KCNN3: variants seen among roughly 807,000 people sequenced by gnomAD.
The protein encoded by KCNN3 is small conductance calcium-activated potassium channel protein 3.
Under a neutral mutation model 62.9 loss-of-function variants are expected in KCNN3, and 16 were observed. That is an observed-to-expected ratio of 0.25 (90% CI 0.17 to 0.39). The LOEUF (loss-of-function observed/expected upper bound fraction) is 0.39, where lower values mean the gene tolerates loss of function less well. Ranked by LOEUF, KCNN3 falls within the 10% of genes least tolerant of loss-of-function variation. The pLI, the probability that KCNN3 is intolerant of heterozygous loss-of-function variation, is 1.00. For synonymous variants in KCNN3, 370 were observed against 389.2 expected (o/e 0.95, Z 0.58); for missense variants, 599 against 949.4 (o/e 0.63, Z 4.85).
chr1:154,836,361 T>C (rs895108087), intron 1 of KCNN3, among the ~76,000 whole-genome samples: 18 of 152,162 alleles, frequency 1.2e-4, no homozygotes, highest in Non-Finnish European at 2.2e-4. Flanking sequence ...CCCCCGTCTA[T>C]TTTGCCCTGC....
rs1421354053 is a variant in KCNN3, at chr1:154,809,909, A to G, written c.1029+12180T>C. Reference sequence around the variant, plus strand: ...AAAGTCACTGGCTGTCTTTGGCTGCAGTAACAAAGTGAGAAAGCAGGTCGG... The same window carrying G: ...AAAGTCACTGGCTGTCTTTGGCTGCGGTAACAAAGTGAGAAAGCAGGTCGG... On this transcript the variant is annotated intron_variant, in intron 2 of 7. Coordinates refer to ENST00000271915, the MANE Select transcript of KCNN3 (RefSeq NM_002249.6). This position sits in a 1 kb window ranked among gnomAD's most constrained non-coding sequence, Gnocchi z 4.3. Among the ~76,000 whole-genome samples the G allele has an allele frequency of 6.6e-6, 1 of 152,212 alleles. No homozygotes were observed. Among genetic ancestry groups the G allele is most frequent in the Non-Finnish European group, 1.5e-5 (1 of 68,040 alleles).
intron 2 of KCNN3, among the ~76,000 whole-genome samples, chr1:154,777,335 G>A (rs1239120091): frequency 6.6e-6 from 1 of 152,208 alleles, no homozygotes; most frequent in African/African-American, 2.4e-5. Context: ...GCCTGGCACA[G>A]AGTGGGCAGT....
At chr1:154,758,240 C>T (rs1358538585) in intron 3 of KCNN3, among the ~76,000 whole-genome samples, 4 of 152,180 alleles carry the variant, frequency 2.6e-5, no homozygotes, top group Admixed American at 1.3e-4. Context: ...AGGTTAAGTA[C>T]AAGTGCAAGG....
intron 2 of KCNN3, among the ~76,000 whole-genome samples, chr1:154,820,306 T>G (rs1650836691): frequency 6.6e-6 from 1 of 152,216 alleles, no homozygotes; most frequent in Non-Finnish European, 1.5e-5. Flanking sequence ...CCCACCCCAA[T>G]GCCTGGAGCA....
rs187960172 is a variant in KCNN3, at chr1:154,713,100, C to T, written c.1899+364G>A. Among the ~76,000 whole-genome samples, 10 of 152,230 alleles carry T rather than the reference C, an allele frequency of 6.6e-5. 1 individual carries two copies. In the East Asian group the frequency reaches 1.5e-3, roughly 24 times the overall value. On this transcript the variant is annotated intron_variant, in intron 7 of 7. Coordinates refer to ENST00000271915, the MANE Select transcript of KCNN3 (RefSeq NM_002249.6). ...GGGCAGTTACCATGGCCATCGTTAC[C>T]GTCTGGTCCTTGCTAGCATGCTTCA...
chr1:154,778,620 T>TC (rs1648891687), intron 2 of KCNN3, among the ~76,000 whole-genome samples: 1 of 141,098 alleles, frequency 7.1e-6, no homozygotes, highest in South Asian at 2.4e-4. Flanking sequence ...TCTTTTTTTT[T>TC]TTTTTTTTTT....
At chr1:154,757,706 C>T (rs527449571) in intron 3 of KCNN3, among the ~76,000 whole-genome samples, 5 of 152,230 alleles carry the variant, frequency 3.3e-5, no homozygotes, top group African/African-American at 7.2e-5. Context: ...CTGGGGCCTT[C>T]GCTTCATGAG....
intron 2 of KCNN3, among the ~76,000 whole-genome samples, chr1:154,813,797 C>T (rs1650537292): frequency 6.6e-6 from 1 of 152,152 alleles, no homozygotes; most frequent in South Asian, 2.1e-4. Context: ...GAGAAACAAG[C>T]CTTGCTGCCA....
intron 7 of KCNN3, 85 bp downstream of exon 7, chr1:154,713,379 C>A (rs141153850): frequency 1.7e-6 from 2 of 1,155,290 alleles, no homozygotes; most frequent in Admixed American, 1.7e-5. Flanking sequence ...CTGTCCAGTG[C>A]GAACCCAGCC....
chr1:154,856,404 G>A (rs1048296123), intron 1 of KCNN3, among the ~76,000 whole-genome samples: 7 of 152,120 alleles, frequency 4.6e-5, no homozygotes, highest in Admixed American at 6.5e-5. Context: ...GAGGACCCCC[G>A]CCAGCTGGAA....
At chr1:154,732,303 G>A (rs1011516915) in intron 4 of KCNN3, among the ~76,000 whole-genome samples, 2 of 152,214 alleles carry the variant, frequency 1.3e-5, no homozygotes, top group Admixed American at 6.5e-5. Context: ...CGAGAGTGTC[G>A]AGTGTGGGTG....
intron 2 of KCNN3, among the ~76,000 whole-genome samples, chr1:154,821,791 G>A (rs1462557080): frequency 6.6e-6 from 1 of 152,228 alleles, no homozygotes; most frequent in Non-Finnish European, 1.5e-5. Context: ...CGGTCCGATG[G>A]TGCTCAGTGA....
intron 3 of KCNN3, among the ~76,000 whole-genome samples, chr1:154,748,721 G>A (rs1166279015): frequency 6.6e-6 from 1 of 152,188 alleles, no homozygotes; most frequent in Non-Finnish European, 1.5e-5. Context: ...AGCACTTTGG[G>A]AGGCTGAGAC....
intron 5 of KCNN3, among the ~76,000 whole-genome samples, chr1:154,722,293 C>T (rs1436745147): frequency 1.3e-5 from 2 of 152,058 alleles, no homozygotes; most frequent in South Asian, 2.1e-4. Flanking sequence ...TTGCCCACTC[C>T]GAAGAGGTTG....
rs546252259 is a variant in KCNN3 at position 154,843,429 on chromosome 1, A to G, written c.934-21245T>C. ...CTGAGCTCAAGCCTCAAGTATCCTC[A>G]GTCCCAGCCTCAGCCCTCATCAAAT... On this transcript the variant is annotated intron_variant, in intron 1 of 7. Coordinates refer to ENST00000271915, the MANE Select transcript of KCNN3 (RefSeq NM_002249.6). Among the ~76,000 whole-genome samples, 39 of 152,252 alleles carry G rather than the reference A, an allele frequency of 2.6e-4. 1 individual carries two copies. Among genetic ancestry groups the G allele is most frequent in the African/African-American group, 8.2e-4 (34 of 41,532 alleles).
rs920055368 is a variant in KCNN3, at chr1:154,779,745, C to G, written c.1030-7352G>C. Among the ~76,000 whole-genome samples, 3 of 152,140 alleles carry G rather than the reference C, an allele frequency of 2.0e-5. No individual in the cohort carries two copies. In the East Asian group the frequency reaches 5.8e-4, roughly 29 times the overall value. ...GGCAAATGCTGAGGGTAAATGGATTCGCTGGCAGCTAACAAAGAGGTCAGC... is the reference window on the plus strand; with the variant it reads ...GGCAAATGCTGAGGGTAAATGGATTGGCTGGCAGCTAACAAAGAGGTCAGC... On this transcript the variant is annotated intron_variant, in intron 2 of 7. Transcript: ENST00000271915.
intron 1 of KCNN3, among the ~76,000 whole-genome samples, chr1:154,831,326 C>A (rs564656991): frequency 6.6e-6 from 1 of 152,294 alleles, no homozygotes; most frequent in Non-Finnish European, 1.5e-5. Flanking sequence ...TTGTAACTCC[C>A]CACCCCTACA....
At chr1:154,807,318 T>C (rs974478935) in intron 2 of KCNN3, among the ~76,000 whole-genome samples, 4 of 152,174 alleles carry the variant, frequency 2.6e-5, no homozygotes, top group Admixed American at 1.3e-4. Flanking sequence ...CAACAGCAGC[T>C]GGGGCAAGTC....
intron 2 of KCNN3, among the ~76,000 whole-genome samples, chr1:154,792,713 A>G (rs1408514946): frequency 6.6e-6 from 1 of 152,186 alleles, no homozygotes; most frequent in Non-Finnish European, 1.5e-5. Flanking sequence ...TCCCAGGGAA[A>G]TGTTTTCAAA....
Sources: allele counts gnomAD v4.1 joint callset (sites outside exome capture counted in the v4.1 genomes callset), GRCh38; gene constraint gnomAD v4.1.1; non-coding constraint Gnocchi (gnomAD v3.1); transcripts MANE v1.5; gene names NCBI Gene and HGNC (gene_info 2026-07-23, HGNC 2026-07-21).